The following DNAJA3 variants were observed in gnomAD, a reference collection of about 807,000 sequenced individuals.
DNAJA3 encodes the protein dnaJ homolog subfamily A member 3, mitochondrial.
In DNAJA3, 29 loss-of-function variants were observed where a neutral mutation model predicts 54.9. That is an observed-to-expected ratio of 0.53 (90% confidence interval 0.39 to 0.72). The LOEUF is 0.72. Ranked by LOEUF, DNAJA3 falls within the 30% of genes least tolerant of loss-of-function variation. DNAJA3 has a pLI of 0.00. For missense variants in DNAJA3, 708 were observed against 639.4 expected, an observed-to-expected ratio of 1.11 and a Z score of -1.16; for synonymous variants, 302 against 251.4, an observed-to-expected ratio of 1.20 and a Z score of -1.90.
intron 10 of DNAJA3, among the ~76,000 whole-genome samples, chr16:4,451,341 G>T (rs1481579797): frequency 6.6e-6 from 1 of 152,112 alleles, no homozygotes; most frequent in Non-Finnish European, 1.5e-5. Context: ...GGAGCTGGGG[G>T]CCGATTTTCC....
At chr16:4,454,746 G>A in intron 10 of DNAJA3, 65 bp from the exon 11 acceptor site, 2 of 1,295,072 alleles carry the variant, frequency 1.5e-6, no homozygotes, top group Non-Finnish European at 2.2e-6. Flanking sequence ...GGGTAGGTGG[G>A]CCCTGGGATG....
At chr16:4,428,964 C>T (rs1410958461) in intron 1 of DNAJA3, among the ~76,000 whole-genome samples, 3 of 149,784 alleles carry the variant, frequency 2.0e-5, no homozygotes, top group Non-Finnish European at 4.4e-5. Flanking sequence ...TCTCGGCTCA[C>T]TGCAAACTCC....
intron 1 of DNAJA3, 156 bp from the exon 2 acceptor site, chr16:4,434,228 G>A (rs2056743361): frequency 3.9e-6 from 3 of 766,980 alleles, no homozygotes; most frequent in Admixed American, 3.0e-5. Flanking sequence ...GGGGATTATG[G>A]GAACTAAAAT....
intron 6 of DNAJA3, among the ~76,000 whole-genome samples, chr16:4,443,907 CG>C (rs2056869730): frequency 6.6e-6 from 1 of 152,146 alleles, no homozygotes; most frequent in Non-Finnish European, 1.5e-5. Flanking sequence ...AGGATGGTCT[CG>C]ATCTCCTGAC....
At chr16:4,441,985 G>T (rs2056842114) in intron 4 of DNAJA3, among the ~76,000 whole-genome samples, 1 of 152,138 alleles carries the variant, frequency 6.6e-6, no homozygotes, top group African/African-American at 2.4e-5. Flanking sequence ...GGATCATTCA[G>T]GCTGTTTTTA....
intron 1 of DNAJA3, among the ~76,000 whole-genome samples, chr16:4,428,684 C>T (rs1266946308): frequency 1.3e-5 from 2 of 152,134 alleles, no homozygotes; most frequent in African/African-American, 4.8e-5. Flanking sequence ...AGTTTTATAT[C>T]AGGTAGTGTA....
intron 2 of DNAJA3, among the ~76,000 whole-genome samples, chr16:4,435,053 C>T (rs2056757242): frequency 1.3e-5 from 2 of 151,992 alleles, no homozygotes; most frequent in Non-Finnish European, 2.9e-5. Flanking sequence ...CCTGCCACCA[C>T]ACCCGGCTAA....
chr16:4,446,847 G>A (rs1020655374), intron 7 of DNAJA3, 39 bp from the exon 8 acceptor site: 2 of 1,610,862 alleles, frequency 1.2e-6, no homozygotes, highest in East Asian at 2.2e-5. Context: ...AGTCTGCAGT[G>A]GACTTATCTT....
chr16:4,434,524 A>G lies in DNAJA3; in HGVS notation c.345+7A>G, dbSNP rs773589914. 13 of 1,607,484 alleles carry G rather than the reference A, an allele frequency of 8.1e-6. No homozygotes were observed. Among genetic ancestry groups the G allele is most frequent in the Non-Finnish European group, 1.1e-5 (13 of 1,178,510 alleles). On this transcript the variant is annotated splice_region_variant and intron_variant, in intron 2 of 11. Coordinates refer to ENST00000262375, the MANE Select transcript of DNAJA3 (RefSeq NM_005147.6). Reference sequence around the variant, plus strand: ...CAAGAAAGCCTATTATCAGGTCTGTATGGAAGTCAGGTTTTGGTGACCAAA... The same window carrying G: ...CAAGAAAGCCTATTATCAGGTCTGTGTGGAAGTCAGGTTTTGGTGACCAAA...
chr16:4,455,642 C>T lies in DNAJA3; in HGVS notation c.*110C>T. The T allele has an allele frequency of 6.6e-7, 1 of 1,516,666 alleles. No homozygotes were observed. The highest frequency in any genetic ancestry group is 2.5e-5 in the East Asian group (1 of 40,730). 94.0% of individuals were successfully genotyped at this position (1,516,666 alleles called of 1,614,324 possible). ...AGGATTCCAGAACAGCAGCACTGAG[C>T]TCCCACCCGCAGAGCCTCTGGACGG... On this transcript the variant is annotated 3_prime_UTR_variant, in exon 12 of 12. Coordinates refer to ENST00000262375, the MANE Select transcript of DNAJA3 (RefSeq NM_005147.6).
chr16:4,443,259 C>G (rs2056859829), intron 6 of DNAJA3, 95 bp downstream of exon 6: 2 of 1,476,340 alleles, frequency 1.4e-6, no homozygotes, highest in African/African-American at 1.4e-5. Flanking sequence ...GGGCCGAGGC[C>G]ACTGCACTGA....
intron 10 of DNAJA3, 97 bp from the exon 11 acceptor site, chr16:4,454,714 G>C: frequency 2.4e-6 from 2 of 824,912 alleles, no homozygotes; most frequent in Non-Finnish European, 3.9e-6. Flanking sequence ...TCTTGAACGT[G>C]GGCCCCTGGG....
chr16:4,451,385 G>T (rs758881960), intron 10 of DNAJA3, among the ~76,000 whole-genome samples: 4 of 152,250 alleles, frequency 2.6e-5, no homozygotes, highest in Non-Finnish European at 4.4e-5. Context: ...CCAGGGGCAG[G>T]GGCAGGGGCT....
In DNAJA3 at chr16:4,455,535, C is replaced by CCT. The variant is rs1191152913; in HGVS notation, c.*14-11_*14-10insCT. 1 of 1,551,780 alleles carries CCT rather than the reference C, an allele frequency of 6.4e-7. No individual in the cohort carries two copies. The highest frequency in any genetic ancestry group is 2.0e-5 in the Admixed American group (1 of 50,976). On this transcript the variant is annotated splice_polypyrimidine_tract_variant and intron_variant, in intron 11 of 11. Coordinates refer to ENST00000262375, the MANE Select transcript of DNAJA3 (RefSeq NM_005147.6). The stretch of plus-strand genomic sequence containing the variant: ...TTGAGTATAAGGTAACAGCCTATCT[C>CCT]TTTGGCTCAGGAAAAAGATCCACTG...
chr16:4,438,508 A>G (rs1225721276), intron 3 of DNAJA3, among the ~76,000 whole-genome samples: 2 of 152,112 alleles, frequency 1.3e-5, no homozygotes, highest in East Asian at 1.9e-4. Flanking sequence ...GTAGAAGCCC[A>G]TTATTGTCCT....
rs2056895381 is a variant in DNAJA3 at position 4,445,828 on chromosome 16, A to G, written c.997-1058A>G. On this transcript the variant is annotated intron_variant, in intron 7 of 11. Transcript: ENST00000262375. ...TGGCCTCCCAAAGTGCTGGGATTAC[A>G]GGTATGAGCCACTGCGCCCGGCCTG... Among the ~76,000 whole-genome samples, 6 of 152,282 alleles carry G rather than the reference A, an allele frequency of 3.9e-5. No individual in the cohort carries two copies. In the South Asian group the frequency reaches 1.2e-3, roughly 32 times the overall value.
intron 10 of DNAJA3, among the ~76,000 whole-genome samples, chr16:4,454,341 A>G (rs1420625514): frequency 6.6e-6 from 1 of 152,220 alleles, no homozygotes; most frequent in South Asian, 2.1e-4. Flanking sequence ...GTCAGACTGC[A>G]TGGGCTCGCA....
chr16:4,444,364 A>T (rs1161136856), intron 6 of DNAJA3, among the ~76,000 whole-genome samples: 3 of 144,302 alleles, frequency 2.1e-5, no homozygotes, highest in African/African-American at 7.6e-5. Context: ...TTTTTTTTTA[A>T]GACGGAGTCT....
At chr16:4,438,736 C>G (rs1016263857) in intron 3 of DNAJA3, among the ~76,000 whole-genome samples, 2 of 147,252 alleles carry the variant, frequency 1.4e-5, no homozygotes, top group Admixed American at 1.4e-4. Context: ...CTCAGCCTCT[C>G]AAATTGCTAG....
Sources: gnomAD v4.1 joint callset for allele counts (sites outside exome capture counted in the v4.1 genomes callset) on GRCh38, gnomAD v4.1.1 for gene constraint, MANE v1.5 for transcripts, NCBI Gene and HGNC (gene_info 2026-07-23, HGNC 2026-07-21) for gene names.